Variants in BRCA1 observed in about 807,000 individuals in gnomAD.
The protein encoded by BRCA1 is BRCA1 DNA repair associated.
Under a neutral mutation model 173.7 loss-of-function variants are expected in BRCA1, and 140 were observed. The observed-to-expected ratio is 0.81, with a 90% CI of 0.70 to 0.93. The LOEUF (loss-of-function observed/expected upper bound fraction) is 0.93, where lower values mean the gene tolerates loss of function less well. Among genes scored for constraint, BRCA1 ranks in the 40% least tolerant of loss-of-function variants. The probability of loss-of-function intolerance (pLI) is 0.00; values close to 1 mark genes in which losing one functional copy is unlikely to be tolerated. For missense variants in BRCA1, 1,983 were observed against 2,172.5 expected (o/e 0.91, Z 1.73); for synonymous variants, 662 against 756.0 (o/e 0.88, Z 2.04).
intron 12 of BRCA1, among the ~76,000 whole-genome samples, chr17:43,082,120 G>C (rs1453363103): frequency 6.6e-6 from 1 of 152,158 alleles, no homozygotes; most frequent in Non-Finnish European, 1.5e-5. Flanking sequence ...ATTCCACTTA[G>C]CTTCCAATAG....
intron 13 of BRCA1, 118 bp from the exon 14 acceptor site, chr17:43,074,639 T>C (rs117690037): frequency 1.1e-5 from 11 of 991,424 alleles, no homozygotes; most frequent in Middle Eastern, 3.1e-4. Flanking sequence ...CAGAAATGAC[T>C]GGCAAAAAAG....
intron 1 of BRCA1, among the ~76,000 whole-genome samples, chr17:43,124,530 G>C (rs184922309): frequency 6.6e-6 from 1 of 152,168 alleles, no homozygotes; most frequent in African/African-American, 2.4e-5. Flanking sequence ...CCAGTGACCT[G>C]CTCTCATCTC....
At chr17:43,054,538 C>T (rs1479070103) in intron 19 of BRCA1, among the ~76,000 whole-genome samples, 1 of 152,096 alleles carries the variant, frequency 6.6e-6, no homozygotes, top group African/African-American at 2.4e-5. Flanking sequence ...CTCCCAGACT[C>T]AAGCATTCTT....
chr17:43,047,660 T>C lies in BRCA1; in HGVS notation c.5450A>G (p.Glu1817Gly), dbSNP rs2050981907. 6.2e-7 allele frequency: 1 copy of C among 1,614,098 alleles called. No homozygotes were observed. Among genetic ancestry groups the C allele is most frequent in the Admixed American group, 1.7e-5 (1 of 60,000 alleles). The part of the protein sequence containing the change: ...IVVVQPDAWT[E>G]DNGFHAIGQM... ...CACCTTACCATGGAAGCCATTGTCC[T>C]CTGTCCAGGCATCTGGCTGCACAAC... The change falls in exon 22 of 23, where the codon GAG becomes GGG. Residue 1817 changes from glutamate to glycine, a missense_variant. Glu to Gly is a moderately conservative substitution (Grantham distance 98). Coordinates refer to ENST00000357654, the MANE Select transcript of BRCA1 (RefSeq NM_007294.4).
At chr17:43,151,430 A>G (rs916199788) in intron 1 of BRCA1, among the ~76,000 whole-genome samples, 5 of 152,178 alleles carry the variant, frequency 3.3e-5, no homozygotes, top group Admixed American at 6.5e-5. Context: ...AAATACAAAA[A>G]TGAGCCACAT....
intron 12 of BRCA1, among the ~76,000 whole-genome samples, chr17:43,082,203 A>G (rs2053028701): frequency 6.6e-6 from 1 of 152,206 alleles, no homozygotes; most frequent in Non-Finnish European, 1.5e-5. Context: ...AGGTACTCAG[A>G]TGACAACATG....
At chr17:43,112,275 A>G (rs1022182109) in intron 3 of BRCA1, among the ~76,000 whole-genome samples, 3 of 152,114 alleles carry the variant, frequency 2.0e-5, no homozygotes, top group Non-Finnish European at 4.4e-5. Flanking sequence ...TTTTTAGTAG[A>G]GATGGTGTTA....
Position 43,045,215 on chromosome 17 carries a change from ATCCCAAGCAC to A in BRCA1, c.*453_*462del, listed in dbSNP as rs2050829667. 1.9e-6 allele frequency: 1 copy of A among 537,966 alleles called. No homozygotes were observed. The highest frequency in any genetic ancestry group is 2.2e-5 in the Admixed American group (1 of 45,112). 33.3% of individuals were successfully genotyped at this position (537,966 alleles called of 1,614,324 possible). A position where few individuals can be genotyped will look rare whatever the true frequency, so the allele number is the denominator to read the frequency against. ...ATTCTGACTTTAAGTCACATAATCG[ATCCCAAGCAC>A]TCTCCTTCCATTGAAGGGTCTGACT... On this transcript the variant is annotated 3_prime_UTR_variant, in exon 23 of 23. Coordinates refer to ENST00000357654, the MANE Select transcript of BRCA1 (RefSeq NM_007294.4).
At chr17:43,048,157 G>A (rs1203314510) in intron 21 of BRCA1, among the ~76,000 whole-genome samples, 1 of 152,136 alleles carries the variant, frequency 6.6e-6, no homozygotes, top group Non-Finnish European at 1.5e-5. Context: ...TGGCCTCCCA[G>A]TGTTGTGATT....
At chr17:43,166,021 T>C (rs1208471150) in intron 1 of BRCA1, 1 of 152,140 alleles carries the variant, frequency 6.6e-6, no homozygotes, top group Non-Finnish European at 1.5e-5. Context: ...AGAATTGGTA[T>C]AGATGGCTTT....
intron 1 of BRCA1, among the ~76,000 whole-genome samples, chr17:43,151,052 G>A (rs911244107): frequency 1.3e-5 from 2 of 152,072 alleles, no homozygotes; most frequent in African/African-American, 2.4e-5. Flanking sequence ...TATTCCCTAG[G>A]GCCCTCAGGG....
At chr17:43,086,793 T>C (rs1016866052) in intron 11 of BRCA1, among the ~76,000 whole-genome samples, 6 of 152,284 alleles carry the variant, frequency 3.9e-5, no homozygotes, top group Admixed American at 6.5e-5. Flanking sequence ...ATCATAGGAA[T>C]TGCAAAGAGA....
chr17:43,164,172 C>A (rs2056252964), intron 1 of BRCA1: 1 of 152,200 alleles, frequency 6.6e-6, no homozygotes, highest in East Asian at 1.9e-4. Context: ...TCTTTAACTT[C>A]TATGATCCTC....
At position 43,092,399 on chromosome 17, in the gene BRCA1, A is replaced by C. The variant is rs1555588333; in HGVS notation, c.3132T>G (p.Ile1044Met). 6.2e-7 allele frequency: 1 copy of C among 1,613,880 alleles called. No individual in the cohort carries two copies. The highest frequency in any genetic ancestry group is 8.5e-7 in the Non-Finnish European group (1 of 1,179,950). ...CATTAGTACTGGAACCTACTTCATT[A>C]ATATTGCTTGAGCTGGCTTCTTTAA... ...NVFKEASSSNINEVGSSTNEV... is the reference protein window; with the variant it reads ...NVFKEASSSNMNEVGSSTNEV... Residue 1044 changes from isoleucine (I) to methionine (M), a missense_variant, in exon 10 of 23, where the codon ATT becomes ATG. Coordinates refer to ENST00000357654, the MANE Select transcript of BRCA1 (RefSeq NM_007294.4).
chr17:43,067,788 G>A (rs1199195238), intron 15 of BRCA1, 93 bp from the exon 16 acceptor site: 1 of 909,656 alleles, frequency 1.1e-6, no homozygotes, highest in Non-Finnish European at 1.7e-6. Flanking sequence ...GTTTACCTAT[G>A]TAGCAATCCT....
rs530919512 is a variant in BRCA1, at chr17:43,101,929, AG to A, written c.442-2050del. On this transcript the variant is annotated intron_variant, in intron 6 of 22. Transcript: ENST00000357654. The stretch of plus-strand genomic sequence containing the variant: ...GTAATTTTCCCTTTTTTTAAAAGAT[AG>A]GGTCTCAGTCACCTGCGCTGGAGTC... 1.9e-3 allele frequency among the ~76,000 whole-genome samples: 292 copies of A among 152,138 alleles called. 3 individuals carry two copies. The highest frequency in any genetic ancestry group is 6.4e-3 in the African/African-American group (266 of 41,512).
chr17:43,144,954 G>A (rs935138076), intron 1 of BRCA1: 4 of 605,708 alleles, frequency 6.6e-6, no homozygotes, highest in Admixed American at 4.3e-5. Flanking sequence ...CCTGCTGCCA[G>A]GATGCCCAAG....
At chr17:43,118,304 A>T (rs2055388030) in intron 2 of BRCA1, among the ~76,000 whole-genome samples, 1 of 152,182 alleles carries the variant, frequency 6.6e-6, no homozygotes, top group African/African-American at 2.4e-5. Context: ...AAAGACTATC[A>T]GAGAGGTAGC....
intron 1 of BRCA1, chr17:43,153,610 C>T (rs1431277489): frequency 6.6e-6 from 1 of 151,624 alleles, no homozygotes; most frequent in Non-Finnish European, 1.5e-5. Flanking sequence ...AGGGCTCAGT[C>T]CTTTGGATGT....
Sources: gnomAD v4.1 joint callset for allele counts (sites outside exome capture counted in the v4.1 genomes callset) on GRCh38, gnomAD v4.1.1 for gene constraint, MANE v1.5 for transcripts, NCBI Gene and HGNC (gene_info 2026-07-23, HGNC 2026-07-21) for gene names.